ANKRD30B: variants seen among roughly 807,000 people sequenced by gnomAD.
ANKRD30B encodes ankyrin repeat domain 30B.
Under a neutral mutation model 202.2 loss-of-function variants are expected in ANKRD30B, and 144 were observed. That is an observed-to-expected ratio of 0.71 (90% confidence interval 0.62 to 0.82). The LOEUF (loss-of-function observed/expected upper bound fraction) is 0.82. Among genes scored for constraint, ANKRD30B ranks in the 40% least tolerant of loss-of-function variants. The pLI is 0.00. For missense variants in ANKRD30B, 1,487 were observed against 1,669.1 expected (o/e 0.89, Z 1.90); for synonymous variants, 508 against 561.3 (o/e 0.91, Z 1.34).
the ANKRD30B span, among the ~76,000 whole-genome samples, chr18:14,923,776 G>C: frequency 6.6e-6 from 1 of 152,234 alleles, no homozygotes; most frequent in Non-Finnish European, 1.5e-5. Flanking sequence ...TTAACAGGCA[G>C]AGAATCTTGT....
the ANKRD30B span, chr18:14,883,408 T>G: frequency 3.5e-5 from 1 of 28,520 alleles, no homozygotes; most frequent in African/African-American, 1.1e-4. Flanking sequence ...TCTATATATA[T>G]ATATATATAT....
chr18:14,798,635 G>T (rs534272954), intron 20 of ANKRD30B, among the ~76,000 whole-genome samples: 2 of 152,168 alleles, frequency 1.3e-5, no homozygotes, highest in South Asian at 2.1e-4. Flanking sequence ...TTATCCATAT[G>T]GACAGGCACC....
the ANKRD30B span, among the ~76,000 whole-genome samples, chr18:14,864,363 A>C: frequency 6.6e-6 from 1 of 152,110 alleles, no homozygotes; most frequent in Non-Finnish European, 1.5e-5. Flanking sequence ...AAACCAAACC[A>C]AAACAAAAAA....
chr18:14,799,176 T>C (rs776716513), intron 21 of ANKRD30B, 47 bp downstream of exon 21: 1 of 1,590,124 alleles, frequency 6.3e-7, no homozygotes, highest in African/African-American at 1.4e-5. Context: ...ACATATTTTA[T>C]GAAGTATACA....
chr18:14,913,685 A>G, the ANKRD30B span, among the ~76,000 whole-genome samples: 1 of 152,178 alleles, frequency 6.6e-6, no homozygotes, highest in African/African-American at 2.4e-5. Flanking sequence ...CATAGTTTTT[A>G]ACAATGACTG....
rs1459971415 is a variant in ANKRD30B at position 14,782,600 on chromosome 18, A to G, written c.1556A>G (p.Asn519Ser). 3 of 1,575,240 alleles carry G rather than the reference A, an allele frequency of 1.9e-6. No homozygotes were observed. Among genetic ancestry groups the G allele is most frequent in the Non-Finnish European group, 2.6e-6 (3 of 1,165,406 alleles). The change falls in exon 12 of 44, where the codon AAT becomes AGT. Residue 519 changes from asparagine (N) to serine (S), a missense_variant. Asn to Ser is a conservative substitution (Grantham distance 46). Around this residue, in one of 6 missense-constraint regions of ANKRD30B, gnomAD observed 889 missense variants for 841.4 expected, o/e 1.06. Transcript: ENST00000690538. ...ATGTATCAGAAAGTAATGGAGATAA[A>G]TAGAGAAGTAGAAGGTAAGAACAAC... is the stretch of plus-strand genomic sequence containing the variant. ...ESMYQKVMEI[N>S]REVEELPEKP... is the part of the protein sequence containing the mutation.
chr18:14,863,564 T>TA, the ANKRD30B span, among the ~76,000 whole-genome samples: 4 of 152,022 alleles, frequency 2.6e-5, no homozygotes, highest in South Asian at 2.1e-4. Context: ...TCTATAAATT[T>TA]AAAAAAAATC....
At chr18:14,757,766 C>A in intron 4 of ANKRD30B, 49 bp from the exon 5 acceptor site, 1 of 1,583,310 alleles carries the variant, frequency 6.3e-7, no homozygotes, top group Non-Finnish European at 8.6e-7. Context: ...CTGATAGGCA[C>A]ATATTAAATT....
chr18:14,926,156 C>G, the ANKRD30B span, among the ~76,000 whole-genome samples: 1 of 152,104 alleles, frequency 6.6e-6, no homozygotes, highest in African/African-American at 2.4e-5. Context: ...GTTGGAGTCC[C>G]GGTTTCCTGA....
the ANKRD30B span, among the ~76,000 whole-genome samples, chr18:14,887,698 A>C: frequency 6.6e-6 from 1 of 152,014 alleles, no homozygotes; most frequent in Non-Finnish European, 1.5e-5. Context: ...TTTAAAATTA[A>C]AAGCATATGA....
At chr18:14,842,401 T>C (rs1046159165) in intron 37 of ANKRD30B, among the ~76,000 whole-genome samples, 7 of 152,212 alleles carry the variant, frequency 4.6e-5, no homozygotes, top group Non-Finnish European at 1.0e-4. Context: ...TGTTCAGTGA[T>C]GAGATGTCAG....
At chr18:14,919,725 A>G in the ANKRD30B span, among the ~76,000 whole-genome samples, 2 of 152,254 alleles carry the variant, frequency 1.3e-5, no homozygotes, top group African/African-American at 4.8e-5. Flanking sequence ...TCTTAGTTAT[A>G]AAAAGGTTTT....
intron 18 of ANKRD30B, 90 bp downstream of exon 18, chr18:14,796,505 T>G (rs1384498366): frequency 7.1e-7 from 1 of 1,414,606 alleles, no homozygotes; most frequent in Non-Finnish European, 9.4e-7. Context: ...TGTTGTTTTC[T>G]TTTGAAAATT....
chr18:14,933,155 G>T, the ANKRD30B span, among the ~76,000 whole-genome samples: 1 of 152,196 alleles, frequency 6.6e-6, no homozygotes, highest in East Asian at 1.9e-4. Context: ...ATGTGCTGGA[G>T]AAGCAATTTT....
intron 35 of ANKRD30B, 81 bp from the exon 36 acceptor site, chr18:14,837,534 A>G (rs1462046112): frequency 1.8e-6 from 2 of 1,136,206 alleles, no homozygotes; most frequent in African/African-American, 3.3e-5. Context: ...ATACTCATAA[A>G]TGGAAATAGA....
chr18:14,903,388 C>T, the ANKRD30B span, among the ~76,000 whole-genome samples: 9 of 152,122 alleles, frequency 5.9e-5, no homozygotes, highest in Non-Finnish European at 1.3e-4. Context: ...TAGGTAATTA[C>T]AGGATGATAA....
At chr18:14,772,464 C>A (rs1182419932) in intron 9 of ANKRD30B, among the ~76,000 whole-genome samples, 1 of 151,286 alleles carries the variant, frequency 6.6e-6, no homozygotes, top group Admixed American at 6.6e-5. Flanking sequence ...ATGGAATGGG[C>A]TGGAGAATAC....
At chr18:14,764,537 G>A (rs1915790526) in intron 7 of ANKRD30B, among the ~76,000 whole-genome samples, 1 of 150,990 alleles carries the variant, frequency 6.6e-6, no homozygotes, top group Non-Finnish European at 1.5e-5. Context: ...GGGATTACAG[G>A]CACCCACCAC....
chr18:14,792,662 T>C (rs537530584), intron 16 of ANKRD30B, among the ~76,000 whole-genome samples: 1 of 151,928 alleles, frequency 6.6e-6, no homozygotes, highest in Non-Finnish European at 1.5e-5. Flanking sequence ...TTTGGAATCA[T>C]GAGGATTACT....
Sources: allele counts gnomAD v4.1 joint callset (sites outside exome capture counted in the v4.1 genomes callset), GRCh38; gene constraint gnomAD v4.1.1; regional missense constraint gnomAD v4.1.1; transcripts MANE v1.5; gene names NCBI Gene and HGNC (gene_info 2026-07-23, HGNC 2026-07-21).